STARD9: variants seen among roughly 807,000 people sequenced by gnomAD.
The protein encoded by STARD9 is stAR-related lipid transfer protein 9.
In STARD9, 346 loss-of-function variants were observed where a neutral mutation model predicts 399.8. The ratio of observed to expected loss-of-function variants is 0.87; its 90% CI spans 0.79 to 0.95. The LOEUF (loss-of-function observed/expected upper bound fraction) is 0.95, where lower values mean the gene tolerates loss of function less well. Ranked by LOEUF, STARD9 falls within the 40% of genes least tolerant of loss-of-function variation. The pLI, the probability that STARD9 is intolerant of heterozygous loss-of-function variation, is 0.00. For synonymous variants in STARD9, 2,203 were observed against 2,143.5 expected, an observed-to-expected ratio of 1.03 and a Z score of -0.77; for missense variants, 5,832 against 5,667.5, an observed-to-expected ratio of 1.03 and a Z score of -0.93.
chr15:42,607,283 A>G (rs1349953769), intron 3 of STARD9, among the ~76,000 whole-genome samples: 1 of 132,258 alleles, frequency 7.6e-6, no homozygotes, highest in Non-Finnish European at 1.6e-5. Context: ...GTTCACTACA[A>G]CCTTCGCCTC....
chr15:42,690,813 G>A lies in STARD9; in HGVS notation c.9235G>A (p.Val3079Met), dbSNP rs892636977. Residue 3079 changes from valine (V) to methionine (M), a missense_variant, in exon 23 of 33, where the codon GTG (valine) becomes ATG (methionine). Val to Met is a conservative substitution (Grantham distance 21). This residue lies in a region of STARD9 where 5,828 missense variants were observed against 5,651.1 expected (regional missense o/e 1.03). Coordinates refer to ENST00000290607, the MANE Select transcript of STARD9 (RefSeq NM_020759.3). ...SFSHSATDGSVGLIGVPEKKV... is the reference protein window; with the variant it reads ...SFSHSATDGSMGLIGVPEKKV... ...CAGCCACTCAGCTACTGATGGAAGC[G>A]TGGGGTTAATAGGGGTTCCTGAGAA... 9 of 1,537,112 alleles carry A rather than the reference G, an allele frequency of 5.9e-6. No individual in the cohort carries two copies. The highest frequency in any genetic ancestry group is 7.8e-6 in the Non-Finnish European group (9 of 1,146,924).
intron 7 of STARD9, among the ~76,000 whole-genome samples, chr15:42,647,239 A>G (rs2059663845): frequency 1.3e-5 from 2 of 152,176 alleles, no homozygotes; most frequent in African/African-American, 2.4e-5. Context: ...TAGTGTTTAT[A>G]TATTACTATT....
At chr15:42,590,221 T>G (rs149335396) in intron 3 of STARD9, among the ~76,000 whole-genome samples, 7,658 of 150,670 alleles carry the variant, frequency 0.051, 616 homozygotes, top group African/African-American at 0.16. Flanking sequence ...CCTTGGCCTC[T>G]CAAAGTGCTG....
At position 42,695,742 on chromosome 15, in the gene STARD9, G is replaced by A; in HGVS notation, c.13147-1G>A. ...GGTTAATGGTGATTTGTCCTTCCCA[G>A]GAAGAGGATAAACTACATACCTTGG... is the stretch of plus-strand genomic sequence containing the variant. On this transcript the variant is annotated splice_acceptor_variant, in intron 25 of 32. Transcript: ENST00000290607. LOFTEE classifies it high-confidence loss of function. 6.5e-7 allele frequency: 1 copy of A among 1,536,828 alleles called. No individual in the cohort carries two copies. Among genetic ancestry groups the A allele is most frequent in the South Asian group, 1.2e-5 (1 of 84,008 alleles).
intron 25 of STARD9, 95 bp from the exon 26 acceptor site, chr15:42,695,647 TG>T: frequency 7.2e-7 from 1 of 1,380,700 alleles, no homozygotes; most frequent in Non-Finnish European, 9.7e-7. Flanking sequence ...GCAGTAGAGG[TG>T]AGCAGGGAAG....
At chr15:42,585,277 C>A (rs924413833) in intron 2 of STARD9, among the ~76,000 whole-genome samples, 1 of 152,188 alleles carries the variant, frequency 6.6e-6, no homozygotes, top group Non-Finnish European at 1.5e-5. Context: ...TTTACCACAT[C>A]TCATATAGTT....
chr15:42,677,813 AG>A (rs1374302425), intron 20 of STARD9, among the ~76,000 whole-genome samples: 1 of 152,182 alleles, frequency 6.6e-6, no homozygotes, highest in Non-Finnish European at 1.5e-5. Flanking sequence ...CACACCCCAC[AG>A]CCCCTATTGC....
chr15:42,692,112 T>C lies in STARD9; in HGVS notation c.10534T>C (p.Ser3512Pro), dbSNP rs2060722786. Reference protein sequence around the residue: ...GLTLSNVARCSSMDNGLEDQN... With the variant: ...GLTLSNVARCPSMDNGLEDQN... ...GACACTATCAAATGTGGCCCGGTGCTCCAGCATGGACAATGGCCTAGAAGA... is the reference window on the plus strand; with the variant it reads ...GACACTATCAAATGTGGCCCGGTGCCCCAGCATGGACAATGGCCTAGAAGA... The change falls in exon 23 of 33, where the codon TCC becomes CCC. Residue 3512 changes from serine to proline, a missense_variant. Around this residue, in one of 2 missense-constraint regions of STARD9, gnomAD observed 5,828 missense variants for 5,651.1 expected, o/e 1.03. Coordinates refer to ENST00000290607, the MANE Select transcript of STARD9 (RefSeq NM_020759.3). 2 of 1,536,974 alleles carry C rather than the reference T, an allele frequency of 1.3e-6. No individual in the cohort carries two copies. The highest frequency in any genetic ancestry group is 1.2e-5 in the South Asian group (1 of 84,060).
chr15:42,705,742 G>GTTGT (rs1014565743), intron 26 of STARD9, among the ~76,000 whole-genome samples: 2 of 151,758 alleles, frequency 1.3e-5, no homozygotes, highest in Non-Finnish European at 2.9e-5. Flanking sequence ...CACCCAGCCT[G>GTTGT]TTGTTTGTTT....
At chr15:42,668,340 T>C (rs1325379953) in intron 15 of STARD9, among the ~76,000 whole-genome samples, 2 of 152,198 alleles carry the variant, frequency 1.3e-5, no homozygotes, top group South Asian at 2.1e-4. Flanking sequence ...TTTTTTTAAC[T>C]ATTCCCTTTA....
At chr15:42,695,018 C>T in intron 24 of STARD9, 122 bp from the exon 25 acceptor site, 1 of 895,736 alleles carries the variant, frequency 1.1e-6, no homozygotes, top group Non-Finnish European at 1.6e-6. Flanking sequence ...TACTTTAAAA[C>T]CCTGTGGGCA....
chr15:42,597,509 A>C (rs942706282), intron 3 of STARD9, among the ~76,000 whole-genome samples: 4 of 152,066 alleles, frequency 2.6e-5, no homozygotes, highest in African/African-American at 9.7e-5. Flanking sequence ...CTGGGATTAC[A>C]GGTGCCTGCC....
intron 7 of STARD9, among the ~76,000 whole-genome samples, chr15:42,649,371 A>G (rs373973331): frequency 8.4e-4 from 128 of 152,168 alleles, no homozygotes; most frequent in African/African-American, 3.0e-3. Context: ...CTAAATTTTG[A>G]GTATGTTTCT....
intron 22 of STARD9, 129 bp downstream of exon 22, chr15:42,682,704 T>C: frequency 1.3e-6 from 1 of 754,218 alleles, no homozygotes; most frequent in South Asian, 2.0e-5. Flanking sequence ...TATATTTCTC[T>C]CTTCCTCATG....
At chr15:42,637,535 T>G (rs181971110) in intron 4 of STARD9, among the ~76,000 whole-genome samples, 1 of 152,280 alleles carries the variant, frequency 6.6e-6, no homozygotes, top group East Asian at 1.9e-4. Context: ...TTTTGAATAC[T>G]CATATACTCT....
intron 26 of STARD9, among the ~76,000 whole-genome samples, chr15:42,700,990 C>A (rs1425637967): frequency 6.6e-6 from 1 of 152,146 alleles, no homozygotes; most frequent in Non-Finnish European, 1.5e-5. Flanking sequence ...ATCCAGTTTT[C>A]TCAGCATCAT....
At chr15:42,669,878 C>T (rs903797259) in intron 16 of STARD9, 3 of 151,998 alleles carry the variant, frequency 2.0e-5, no homozygotes, top group African/African-American at 7.3e-5. Flanking sequence ...TGGTGAAACC[C>T]CACCTCTACT....
intron 7 of STARD9, among the ~76,000 whole-genome samples, chr15:42,644,812 C>G (rs1320448295): frequency 6.6e-6 from 1 of 152,178 alleles, no homozygotes. Context: ...CCTCTTAAAT[C>G]CTGACACTCT....
At chr15:42,606,104 CT>C (rs2141779150) in intron 3 of STARD9, among the ~76,000 whole-genome samples, 1 of 152,258 alleles carries the variant, frequency 6.6e-6, no homozygotes, top group Admixed American at 6.5e-5. Context: ...GAAAATAGCA[CT>C]TTTTGAGAAC....
Sources: gnomAD v4.1 joint callset for allele counts (sites outside exome capture counted in the v4.1 genomes callset) on GRCh38, gnomAD v4.1.1 for gene constraint, gnomAD v4.1.1 regional missense constraint, MANE v1.5 for transcripts, NCBI Gene and HGNC (gene_info 2026-07-23, HGNC 2026-07-21) for gene names.